The following RASGEF1C variants were observed in gnomAD, a reference collection of about 807,000 sequenced individuals.
The protein encoded by RASGEF1C is ras-GEF domain-containing family member 1C.
A neutral mutation model predicts 58.1 loss-of-function variants in RASGEF1C; 27 were observed. The observed-to-expected ratio is 0.46, with a 90% CI of 0.34 to 0.64. The LOEUF (loss-of-function observed/expected upper bound fraction) is 0.64. Ranked by LOEUF, RASGEF1C falls within the 30% of genes least tolerant of loss-of-function variation. The probability of loss-of-function intolerance (pLI) is 0.01; values close to 1 mark genes in which losing one functional copy is unlikely to be tolerated. For synonymous variants in RASGEF1C, 243 were observed against 246.3 expected (o/e 0.99, Z 0.13); for missense variants, 502 against 605.1 (o/e 0.83, Z 1.79).
At position 180,114,510 on chromosome 5, in the gene RASGEF1C, T is replaced by C. The variant is rs1263523673; in HGVS notation, c.1115A>G (p.Lys372Arg). ...IVIPFFSLLI[K>R]DIYFLNEGCA... ...GCCCTCATTCAGGAAGTAGATGTCTTTGATGAGCAGGCTGAAGAAAGGAAT... is the reference window on the plus strand; with the variant it reads ...GCCCTCATTCAGGAAGTAGATGTCTCTGATGAGCAGGCTGAAGAAAGGAAT... The change falls in exon 11 of 14, where the codon AAA becomes AGA. Residue 372 changes from lysine to arginine, a missense_variant. Transcript: ENST00000361132. 2 of 1,612,376 alleles carry C rather than the reference T, an allele frequency of 1.2e-6. No homozygotes were observed. Among genetic ancestry groups the C allele is most frequent in the Non-Finnish European group, 8.5e-7 (1 of 1,178,880 alleles).
chr5:180,152,276 C>T lies in RASGEF1C; in HGVS notation c.-6-14218G>A, dbSNP rs577496708. On this transcript the variant is annotated intron_variant, in intron 1 of 13. Coordinates refer to ENST00000361132, the MANE Select transcript of RASGEF1C (RefSeq NM_175062.4). ...TATTAAGATACACATATGTTTATTGCGGCACTATTCACAATAGCAAAGACT... is the reference window on the plus strand; with the variant it reads ...TATTAAGATACACATATGTTTATTGTGGCACTATTCACAATAGCAAAGACT... 4.4e-4 allele frequency among the ~76,000 whole-genome samples: 67 copies of T among 152,086 alleles called. 1 individual carries two copies. Among genetic ancestry groups the T allele is most frequent in the African/African-American group, 8.7e-4 (36 of 41,488 alleles).
chr5:180,151,352 A>C (rs1392929947), intron 1 of RASGEF1C, among the ~76,000 whole-genome samples: 4 of 152,352 alleles, frequency 2.6e-5, no homozygotes, highest in African/African-American at 9.6e-5. Flanking sequence ...ACAGCATGGT[A>C]CTGGTACCAA....
intron 4 of RASGEF1C, among the ~76,000 whole-genome samples, chr5:180,131,366 C>T (rs1766365675): frequency 6.6e-6 from 1 of 152,166 alleles, no homozygotes; most frequent in Non-Finnish European, 1.5e-5. Context: ...CCACCCTCCC[C>T]ATGTCCCCAC....
At chr5:180,202,196 A>C (rs1756406480) in intron 1 of RASGEF1C, among the ~76,000 whole-genome samples, 2 of 152,234 alleles carry the variant, frequency 1.3e-5, no homozygotes, top group African/African-American at 4.8e-5. Context: ...GTGTTCATTA[A>C]GGAAATTAAT....
chr5:180,118,674 T>A lies in RASGEF1C; in HGVS notation c.1018A>T (p.Asn340Tyr), dbSNP rs954735332. The change falls in exon 10 of 14, where the codon AAC becomes TAC. Residue 340 changes from asparagine to tyrosine, a missense_variant. Asn to Tyr is a moderately radical substitution (Grantham distance 143). Transcript: ENST00000361132. ...GCCCCGCGCAGGGCTGTCCTGTAGT[T>A]GCAGAAATTCCCCGTTGGGTCCATC... ...HQMDPTGNFC[N>Y]YRTALRGAAH... The A allele has an allele frequency of 3.1e-6, 5 of 1,614,154 alleles. No homozygotes were observed. The highest frequency in any genetic ancestry group is 4.2e-6 in the Non-Finnish European group (5 of 1,180,006).
rs771330235 is a variant in RASGEF1C at position 180,137,959 on chromosome 5, G to A, written c.94C>T (p.Pro32Ser). ...EPTDGEQAGQPLLDGAPSSAS... is the reference protein window; with the variant it reads ...EPTDGEQAGQSLLDGAPSSAS... Reference sequence around the variant, plus strand: ...GAGGATGGCGCTCCATCCAGGAGGGGCTGCCCAGCCTGTTCGCCATCTGTG... The same window carrying A: ...GAGGATGGCGCTCCATCCAGGAGGGACTGCCCAGCCTGTTCGCCATCTGTG... Residue 32 changes from proline (P) to serine (S), a missense_variant, in exon 2 of 14, where the codon CCC (proline) becomes TCC (serine). Coordinates refer to ENST00000361132, the MANE Select transcript of RASGEF1C (RefSeq NM_175062.4). The surrounding 1 kb of genome is among the most constrained non-coding windows in gnomAD (Gnocchi z 4.1). The A allele has an allele frequency of 1.4e-4, 224 of 1,610,934 alleles. 1 individual carries two copies. The highest frequency in any genetic ancestry group is 4.4e-4 in the Admixed American group (26 of 59,432).
chr5:180,121,366 T>C (rs897385159), intron 6 of RASGEF1C, among the ~76,000 whole-genome samples: 3 of 151,328 alleles, frequency 2.0e-5, no homozygotes. Context: ...CAGGCTGGAG[T>C]GCGGTGGCGC....
intron 6 of RASGEF1C, among the ~76,000 whole-genome samples, chr5:180,121,605 G>T (rs1005329991): frequency 1.3e-4 from 20 of 151,446 alleles, no homozygotes; most frequent in Admixed American, 2.0e-4. Flanking sequence ...GAGCCACTGC[G>T]CCCGGCTAAA....
At chr5:180,161,367 G>T (rs1766940928) in intron 1 of RASGEF1C, among the ~76,000 whole-genome samples, 2 of 152,376 alleles carry the variant, frequency 1.3e-5, no homozygotes, top group African/African-American at 4.8e-5. Context: ...TTTCCTCCCT[G>T]GAAAGCGGAG....
rs148670480 is a variant in RASGEF1C, at chr5:180,171,486, G to A, written c.-6-33428C>T. Among the ~76,000 whole-genome samples the A allele has an allele frequency of 4.4e-3, 674 of 152,206 alleles. 8 individuals are homozygous for A. Among genetic ancestry groups the A allele is most frequent in the African/African-American group, 0.015 (639 of 41,536 alleles). On this transcript the variant is annotated intron_variant, in intron 1 of 13. Coordinates refer to ENST00000361132, the MANE Select transcript of RASGEF1C (RefSeq NM_175062.4). ...ACCCTCAGAGCCCACCTCCGAGGCC[G>A]AGGGACGTGCTGAAATAACTGTCAC...
chr5:180,126,321 G>C (rs1267558194), intron 6 of RASGEF1C, among the ~76,000 whole-genome samples: 1 of 151,996 alleles, frequency 6.6e-6, no homozygotes, highest in Non-Finnish European at 1.5e-5. Context: ...GCAGGAGAAC[G>C]GTGTGAACCC....
At chr5:180,135,258 C>T (rs1561739298) in intron 4 of RASGEF1C, 1 of 152,260 alleles carries the variant, frequency 6.6e-6, no homozygotes, top group Non-Finnish European at 1.5e-5. Context: ...TTCTGAGTCA[C>T]TTGCCTGCTG....
At chr5:180,131,770 A>AC (rs1445534281) in intron 4 of RASGEF1C, among the ~76,000 whole-genome samples, 2 of 152,156 alleles carry the variant, frequency 1.3e-5, no homozygotes, top group African/African-American at 2.4e-5. Flanking sequence ...GTCTGTGCCT[A>AC]CCCCTTGATA....
chr5:180,147,461 GT>G (rs1241686227), intron 1 of RASGEF1C, among the ~76,000 whole-genome samples: 1 of 151,904 alleles, frequency 6.6e-6, no homozygotes, highest in Non-Finnish European at 1.5e-5. Flanking sequence ...ATTAAGGACA[GT>G]TTTTGCTGTA....
Position 180,127,669 on chromosome 5 carries a change from G to A in RASGEF1C, c.654C>T (p.His218=), listed in dbSNP as rs1469937147. The part of the protein sequence containing the change: ...LTHVELERLR[H]IGPEEFVQAF... The stretch of plus-strand genomic sequence containing the variant: ...CCTGGACAAACTCCTCAGGCCCGAT[G>A]TGCCGCAGCCGCTCCTGCAGGGAAG... Residue 218 remains histidine (H), a synonymous_variant, in exon 6 of 14, where the codon CAC becomes CAT. Transcript: ENST00000361132. The A allele has an allele frequency of 6.2e-7, 1 of 1,613,046 alleles. No individual in the cohort carries two copies. Among genetic ancestry groups the A allele is most frequent in the Admixed American group, 1.7e-5 (1 of 59,874 alleles).
rs1767250767 is a variant in RASGEF1C, at chr5:180,177,528, G to A, written c.-7+31500C>T. Among the ~76,000 whole-genome samples, 1 of 152,236 alleles carries A rather than the reference G, an allele frequency of 6.6e-6. No homozygotes were observed. Among genetic ancestry groups the A allele is most frequent in the African/African-American group, 2.4e-5 (1 of 41,464 alleles). ...CCTGCTGCAGCTGTCCAAGGCCATG[G>A]CCTCTGCGGCTTCTGCCTGGCCAGC... On this transcript the variant is annotated intron_variant, in intron 1 of 13. Coordinates refer to ENST00000361132, the MANE Select transcript of RASGEF1C (RefSeq NM_175062.4). This position sits in a 1 kb window ranked among gnomAD's most constrained non-coding sequence, Gnocchi z 5.0.
rs1409163952 is a variant in RASGEF1C at position 180,197,547 on chromosome 5, T to C, written c.-7+11481A>G. 6.6e-6 allele frequency among the ~76,000 whole-genome samples: 1 copy of C among 152,096 alleles called. No individual in the cohort carries two copies. The highest frequency in any genetic ancestry group is 1.9e-4 in the East Asian group (1 of 5,180). On this transcript the variant is annotated intron_variant, in intron 1 of 13. Transcript: ENST00000361132. The surrounding 1 kb of genome is among the most constrained non-coding windows in gnomAD (Gnocchi z 4.7). ...AGTGAGAGCAGTCCACGCTCAAAAA[T>C]AGCCCAGACTGTCAACCGCACAAAC... is the stretch of plus-strand genomic sequence containing the variant.
At chr5:180,166,029 G>C (rs543707685) in intron 1 of RASGEF1C, among the ~76,000 whole-genome samples, 1 of 151,940 alleles carries the variant, frequency 6.6e-6, no homozygotes, top group African/African-American at 2.4e-5. Context: ...GATTACAGGC[G>C]TGAGCCACCA....
intron 10 of RASGEF1C, 30 bp downstream of exon 10, chr5:180,118,578 GC>G (rs759350273): frequency 6.0e-5 from 93 of 1,562,418 alleles, no homozygotes; most frequent in South Asian, 5.9e-4. Context: ...CCCTGCTGCA[GC>G]CCCCCTGGGC....
Sources: gnomAD v4.1 joint callset for allele counts (sites outside exome capture counted in the v4.1 genomes callset) on GRCh38, gnomAD v4.1.1 for gene constraint, Gnocchi (gnomAD v3.1) non-coding constraint, MANE v1.5 for transcripts, NCBI Gene and HGNC (gene_info 2026-07-23, HGNC 2026-07-21) for gene names.